The following RBFOX1 variants were observed in gnomAD, a reference collection of about 807,000 sequenced individuals.
RBFOX1 encodes the protein RNA binding protein fox-1 homolog 1.
RBFOX1 carries 8 observed loss-of-function variants against 57.7 expected under a neutral mutation model. The ratio of observed to expected loss-of-function variants is 0.14; its 90% CI spans 0.08 to 0.25. The LOEUF (loss-of-function observed/expected upper bound fraction) is 0.25. Ranked by LOEUF, RBFOX1 falls within the 10% of genes least tolerant of loss-of-function variation. The probability of loss-of-function intolerance (pLI) is 1.00; values close to 1 mark genes in which losing one functional copy is unlikely to be tolerated. For synonymous variants in RBFOX1, 326 were observed against 222.4 expected, an observed-to-expected ratio of 1.47 and a Z score of -4.15; for missense variants, 611 against 548.5, an observed-to-expected ratio of 1.11 and a Z score of -1.14.
intron 3 of RBFOX1, among the ~76,000 whole-genome samples, chr16:6,965,168 C>A (rs562336113): frequency 1.3e-5 from 2 of 151,996 alleles, no homozygotes; most frequent in African/African-American, 4.8e-5. Flanking sequence ...CTGCAGATTG[C>A]TGTGGTGGTA....
chr16:6,296,344 C>T (rs1219146305), intron 1 of RBFOX1, among the ~76,000 whole-genome samples: 2 of 152,106 alleles, frequency 1.3e-5, no homozygotes, highest in Non-Finnish European at 2.9e-5. Flanking sequence ...AGCAGCCTCA[C>T]TATACTTATC....
chr16:6,675,324 G>A (rs574399258), intron 3 of RBFOX1, among the ~76,000 whole-genome samples: 1 of 152,112 alleles, frequency 6.6e-6, no homozygotes, highest in Non-Finnish European at 1.5e-5. Context: ...CTAAATGTAG[G>A]TGCTCTTGCA....
intron 3 of RBFOX1, among the ~76,000 whole-genome samples, chr16:6,948,775 C>T (rs1365908209): frequency 6.6e-6 from 1 of 152,114 alleles, no homozygotes; most frequent in East Asian, 1.9e-4. Flanking sequence ...CCATACAATC[C>T]AGAAGAGGAA....
chr16:7,257,805 C>T (rs1407918031), intron 4 of RBFOX1, among the ~76,000 whole-genome samples: 1 of 152,182 alleles, frequency 6.6e-6, no homozygotes, highest in Non-Finnish European at 1.5e-5. Flanking sequence ...GAGCTATCAT[C>T]GTTGATAGCA....
intron 3 of RBFOX1, among the ~76,000 whole-genome samples, chr16:6,742,057 T>G (rs2072330544): frequency 6.6e-6 from 1 of 152,228 alleles, no homozygotes; most frequent in Non-Finnish European, 1.5e-5. Flanking sequence ...TTAGCCATTC[T>G]ACAGTGTATA....
intron 4 of RBFOX1, among the ~76,000 whole-genome samples, chr16:7,477,820 G>A (rs1002774785): frequency 2.0e-5 from 3 of 152,156 alleles, no homozygotes; most frequent in Admixed American, 6.5e-5. Context: ...AATAGACCCT[G>A]AGTCTAGGAA....
intron 11 of RBFOX1, among the ~76,000 whole-genome samples, chr16:7,637,351 T>A (rs957554298): frequency 6.6e-6 from 1 of 152,076 alleles, no homozygotes; most frequent in Non-Finnish European, 1.5e-5. Flanking sequence ...GCAAAATCAA[T>A]TCCTCATTTA....
intron 1 of RBFOX1, among the ~76,000 whole-genome samples, chr16:5,428,826 G>A (rs1192999707): frequency 1.3e-5 from 2 of 152,178 alleles, no homozygotes; most frequent in East Asian, 3.8e-4. Flanking sequence ...CTGTAGCTGA[G>A]TTGGGGACCA....
chr16:7,496,691 C>T (rs1371798322), intron 4 of RBFOX1, among the ~76,000 whole-genome samples: 1 of 139,168 alleles, frequency 7.2e-6, no homozygotes, highest in Non-Finnish European at 1.5e-5. Context: ...TTAACAAAGA[C>T]TTTTTTTTTT....
At chr16:7,176,822 G>T (rs1286544046) in intron 4 of RBFOX1, among the ~76,000 whole-genome samples, 2 of 152,080 alleles carry the variant, frequency 1.3e-5, no homozygotes, top group African/African-American at 4.8e-5. Flanking sequence ...AACATCTGTG[G>T]TAATAAATGT....
chr16:7,370,858 C>T (rs1426157736), intron 4 of RBFOX1, among the ~76,000 whole-genome samples: 1 of 152,194 alleles, frequency 6.6e-6, no homozygotes, highest in Non-Finnish European at 1.5e-5. Context: ...TTGCAAAGAA[C>T]ACTGACATTT....
At chr16:5,324,403 C>T (rs1424371513) in intron 1 of RBFOX1, among the ~76,000 whole-genome samples, 1 of 152,162 alleles carries the variant, frequency 6.6e-6, no homozygotes, top group Non-Finnish European at 1.5e-5. Context: ...GCAGAGGTTG[C>T]AGTGAGCCAA....
chr16:6,755,949 G>A (rs2075718817), intron 3 of RBFOX1, among the ~76,000 whole-genome samples: 1 of 152,098 alleles, frequency 6.6e-6, no homozygotes. Context: ...GACCGAAAGG[G>A]ACCATTTACA....
intron 2 of RBFOX1, among the ~76,000 whole-genome samples, chr16:6,397,242 G>T (rs958988364): frequency 6.6e-6 from 1 of 152,060 alleles, no homozygotes; most frequent in African/African-American, 2.4e-5. Flanking sequence ...TAATTTCCAC[G>T]TCATAGTCAC....
At chr16:7,530,685 A>T (rs2152368876) in intron 5 of RBFOX1, among the ~76,000 whole-genome samples, 1 of 152,290 alleles carries the variant, frequency 6.6e-6, no homozygotes, top group East Asian at 1.9e-4. Flanking sequence ...TCCCCGAAGA[A>T]TGTGGAGCCT....
At chr16:6,473,981 G>A (rs2095233230) in intron 2 of RBFOX1, among the ~76,000 whole-genome samples, 1 of 152,186 alleles carries the variant, frequency 6.6e-6, no homozygotes, top group Non-Finnish European at 1.5e-5. Context: ...ACTAGAGATA[G>A]TAATCTGACT....
At chr16:5,895,834 G>A (rs2058151227) in intron 4 of RBFOX1, among the ~76,000 whole-genome samples, 1 of 152,112 alleles carries the variant, frequency 6.6e-6, no homozygotes, top group African/African-American at 2.4e-5. Flanking sequence ...TATTATAAAC[G>A]GAAAGCGATG....
intron 3 of RBFOX1, among the ~76,000 whole-genome samples, chr16:5,744,033 C>A (rs1471278636): frequency 6.6e-6 from 1 of 152,144 alleles, no homozygotes; most frequent in African/African-American, 2.4e-5. Flanking sequence ...CTGGAGAGCT[C>A]CTTCTTCATC....
chr16:7,021,488 T>C (rs2039050855), intron 3 of RBFOX1, among the ~76,000 whole-genome samples: 1 of 145,984 alleles, frequency 6.9e-6, no homozygotes, highest in African/African-American at 2.5e-5. Context: ...ATATATTTTA[T>C]ATTAATATTT....
Sources: gnomAD v4.1 joint callset for allele counts (sites outside exome capture counted in the v4.1 genomes callset) on GRCh38, gnomAD v4.1.1 for gene constraint, MANE v1.5 for transcripts, NCBI Gene and HGNC (gene_info 2026-07-23, HGNC 2026-07-21) for gene names.